PSD3: variants seen among roughly 807,000 people sequenced by gnomAD.
PSD3 encodes the protein PH and SEC7 domain-containing protein 3.
In PSD3, 49 loss-of-function variants were observed where a neutral mutation model predicts 105.5. The observed-to-expected ratio is 0.46, with a 90% CI of 0.37 to 0.59. The LOEUF (loss-of-function observed/expected upper bound fraction) is 0.59, where lower values mean the gene tolerates loss of function less well. PSD3 is among the 20% of genes least tolerant of loss of function. The pLI is 0.00. For synonymous variants in PSD3, 557 were observed against 457.8 expected, an observed-to-expected ratio of 1.22 and a Z score of -2.77; for missense variants, 1,561 against 1,263.8, an observed-to-expected ratio of 1.24 and a Z score of -3.57.
chr8:18,976,422 C>T (rs1299589747), intron 1 of PSD3, among the ~76,000 whole-genome samples: 1 of 152,160 alleles, frequency 6.6e-6, no homozygotes, highest in East Asian at 1.9e-4. Context: ...CAATTTCATA[C>T]CCTTGTGGTA....
intron 9 of PSD3, among the ~76,000 whole-genome samples, chr8:18,684,418 C>A (rs186983919): frequency 3.9e-4 from 59 of 152,200 alleles, no homozygotes; most frequent in African/African-American, 1.3e-3. Context: ...ATCTCCAAGG[C>A]ACCATGTGGG....
At chr8:18,922,817 G>C (rs1310682604) in intron 2 of PSD3, among the ~76,000 whole-genome samples, 3 of 152,148 alleles carry the variant, frequency 2.0e-5, no homozygotes, top group Admixed American at 6.5e-5. Context: ...TTCTGATAAA[G>C]GCTGTTACAA....
intron 1 of PSD3, among the ~76,000 whole-genome samples, chr8:18,987,731 AT>A (rs1825581263): frequency 6.6e-6 from 1 of 152,088 alleles, no homozygotes; most frequent in African/African-American, 2.4e-5. Flanking sequence ...AGGTGAGAGA[AT>A]CACCTGAGCC....
intron 1 of PSD3, among the ~76,000 whole-genome samples, chr8:18,947,092 G>C (rs1365199887): frequency 6.6e-6 from 1 of 152,098 alleles, no homozygotes; most frequent in African/African-American, 2.4e-5. Flanking sequence ...CAGACTAACT[G>C]GATAGATATT....
At chr8:18,712,021 T>C (rs1802285998) in intron 9 of PSD3, among the ~76,000 whole-genome samples, 3 of 152,184 alleles carry the variant, frequency 2.0e-5, no homozygotes. Flanking sequence ...TGCTTCTGAA[T>C]GACTCCTGAG....
chr8:18,564,915 A>G (rs1801640877), intron 14 of PSD3, among the ~76,000 whole-genome samples: 1 of 152,174 alleles, frequency 6.6e-6, no homozygotes, highest in Admixed American at 6.5e-5. Flanking sequence ...TGACCAAAAA[A>G]GTATTTAGTA....
intron 8 of PSD3, among the ~76,000 whole-genome samples, chr8:18,791,770 A>C (rs888713662): frequency 2.0e-5 from 3 of 152,252 alleles, no homozygotes; most frequent in African/African-American, 7.2e-5. Flanking sequence ...AGCAAAAGAA[A>C]GTATCAGAGT....
chr8:18,887,531 T>C (rs1319678399), intron 2 of PSD3, among the ~76,000 whole-genome samples: 1 of 152,196 alleles, frequency 6.6e-6, no homozygotes, highest in East Asian at 1.9e-4. Context: ...TAAAAACTAA[T>C]AGGTTTATAC....
intron 1 of PSD3, among the ~76,000 whole-genome samples, chr8:19,063,769 T>C (rs954901263): frequency 6.6e-6 from 1 of 152,124 alleles, no homozygotes; most frequent in Admixed American, 6.6e-5. Context: ...GATTCCTTAG[T>C]CTTAAAATAA....
intron 15 of PSD3, among the ~76,000 whole-genome samples, chr8:18,537,798 T>G (rs1799923400): frequency 6.6e-6 from 1 of 152,118 alleles, no homozygotes; most frequent in African/African-American, 2.4e-5. Context: ...TGCCTCAGCC[T>G]CCCAAGTGTC....
At position 18,872,718 on chromosome 8, in the gene PSD3, C is replaced by A. The variant is rs1187316690; in HGVS notation, c.146G>T (p.Ser49Ile). 5 of 1,562,658 alleles carry A rather than the reference C, an allele frequency of 3.2e-6. No individual in the cohort carries two copies. In the African/African-American group the frequency reaches 5.5e-5, roughly 17 times the overall value. Residue 49 changes from serine (S) to isoleucine (I), a missense_variant, in exon 3 of 16, where the codon AGC becomes ATC. By Grantham distance (142) the Ser-to-Ile change is moderately radical (BLOSUM62 -2). Coordinates refer to ENST00000327040, the MANE Select transcript of PSD3 (RefSeq NM_015310.4). ...KAPDTSDHGG[S>I]TLLPPNVTNE... is the part of the protein sequence containing the mutation. ...TGTGACATTTGGTGGGAGTAAAGTGCTTCCTCCATGATCACCTGTGAAGAG... is the reference window on the plus strand; with the variant it reads ...TGTGACATTTGGTGGGAGTAAAGTGATTCCTCCATGATCACCTGTGAAGAG...
chr8:18,795,674 G>T (rs891351244), intron 8 of PSD3, among the ~76,000 whole-genome samples: 14 of 152,282 alleles, frequency 9.2e-5, no homozygotes, highest in Middle Eastern at 3.4e-3. Context: ...CCAGCCCTGG[G>T]TGATAATCCT....
At chr8:18,593,670 C>A (rs528823676) in intron 12 of PSD3, among the ~76,000 whole-genome samples, 5 of 152,032 alleles carry the variant, frequency 3.3e-5, no homozygotes, top group Non-Finnish European at 5.9e-5. Context: ...AAGACACATG[C>A]TCACGTACGT....
intron 14 of PSD3, among the ~76,000 whole-genome samples, chr8:18,570,483 C>G (rs1265861400): frequency 6.8e-6 from 1 of 146,286 alleles, no homozygotes; most frequent in Non-Finnish European, 1.5e-5. Context: ...TCTAATTAAA[C>G]TAAAGAGCTT....
At chr8:18,861,814 C>T (rs897053058) in intron 4 of PSD3, among the ~76,000 whole-genome samples, 3 of 152,148 alleles carry the variant, frequency 2.0e-5, no homozygotes, top group African/African-American at 4.8e-5. Flanking sequence ...CAAAACTGCA[C>T]ATTGGTTGAT....
chr8:19,054,320 T>C (rs7828087), intron 1 of PSD3, among the ~76,000 whole-genome samples: 51,442 of 152,018 alleles, frequency 0.34, 10,811 homozygotes, highest in Non-Finnish European at 0.47. Context: ...GATTCAGGAG[T>C]TTATCTGTGA....
chr8:18,992,812 C>G lies in PSD3; in HGVS notation c.21+20751G>C, dbSNP rs999844434. Among the ~76,000 whole-genome samples the G allele has an allele frequency of 2.7e-4, 33 of 122,946 alleles. No homozygotes were observed. In the East Asian group the frequency reaches 7.2e-3, roughly 27 times the overall value. The allele number at this position is 122,946 out of a possible 152,430, so 80.7% of individuals were successfully genotyped here. A position where few individuals can be genotyped will look rare whatever the true frequency, so the allele number is the denominator to read the frequency against. On this transcript the variant is annotated intron_variant, in intron 1 of 15. Transcript: ENST00000327040. Reference sequence around the variant, plus strand: ...TCCAACTTTGTCCTTAATTCATTTTCTTTCTGTTTCCTCATTTGCAAAATG... The same window carrying G: ...TCCAACTTTGTCCTTAATTCATTTTGTTTCTGTTTCCTCATTTGCAAAATG...
chr8:18,954,593 C>T (rs1294295906), intron 1 of PSD3, among the ~76,000 whole-genome samples: 1 of 152,100 alleles, frequency 6.6e-6, no homozygotes, highest in East Asian at 1.9e-4. Context: ...AGAAGAATAC[C>T]AAGGGACACT....
chr8:18,867,572 A>C, intron 4 of PSD3, 102 bp downstream of exon 4: 137 of 1,331,188 alleles, frequency 1.0e-4, no homozygotes, highest in Middle Eastern at 2.0e-4. Flanking sequence ...TGTCCACAGA[A>C]ATTGGCCAAA....
Sources: gnomAD v4.1 joint callset for allele counts (sites outside exome capture counted in the v4.1 genomes callset) on GRCh38, gnomAD v4.1.1 for gene constraint, MANE v1.5 for transcripts, NCBI Gene and HGNC (gene_info 2026-07-23, HGNC 2026-07-21) for gene names.